Variants in PSME3 observed in about 807,000 individuals in gnomAD.
PSME3 encodes proteasome activator subunit 3.
A neutral mutation model predicts 38.3 loss-of-function variants in PSME3; 7 were observed. The observed-to-expected ratio is 0.18, with a 90% confidence interval of 0.10 to 0.34. PSME3 has a LOEUF of 0.34. PSME3 is among the 10% of genes least tolerant of loss of function. PSME3 has a pLI of 1.00. For missense variants in PSME3, 192 were observed against 307.6 expected (o/e 0.62, Z 2.81); for synonymous variants, 108 against 105.7 (o/e 1.02, Z -0.13).
At position 42,837,705 on chromosome 17, in the gene PSME3, G is replaced by T; in HGVS notation, c.292+8G>T. 1 of 1,612,510 alleles carries T rather than the reference G, an allele frequency of 6.2e-7. No individual in the cohort carries two copies. The highest frequency in any genetic ancestry group is 8.5e-7 in the Non-Finnish European group (1 of 1,179,250). On this transcript the variant is annotated splice_region_variant and intron_variant, in intron 5 of 10. Transcript: ENST00000590720. ...GTGAAGAAGCCTTCCAAGGTAAGAG[G>T]CACCCTTACCTCACCTCCCCTCACC... is the stretch of plus-strand genomic sequence containing the variant.
At chr17:42,837,383 C>G (rs2055475701) in intron 4 of PSME3, among the ~76,000 whole-genome samples, 1 of 151,828 alleles carries the variant, frequency 6.6e-6, no homozygotes. Flanking sequence ...TGGGGTTTCA[C>G]TATGTTGGCT....
chr17:42,834,040 T>C, intron 1 of PSME3: 2 of 1,441,004 alleles, frequency 1.4e-6, no homozygotes, highest in Non-Finnish European at 1.8e-6. Flanking sequence ...TTGGCACGTT[T>C]GTGAGCTCAC....
In PSME3 at chr17:42,834,889, T is replaced by C; in HGVS notation, c.243+13T>C. Reference sequence around the variant, plus strand: ...TGGACTGGATGGTGTAAGTGTCCTATATTTATCTTTGTGTTCTTGAGCAGT... The same window carrying C: ...TGGACTGGATGGTGTAAGTGTCCTACATTTATCTTTGTGTTCTTGAGCAGT... On this transcript the variant is annotated intron_variant, in intron 4 of 10. Transcript: ENST00000590720. The C allele has an allele frequency of 1.2e-6, 2 of 1,613,162 alleles. No homozygotes were observed. The highest frequency in any genetic ancestry group is 2.2e-5 in the South Asian group (2 of 90,872).
intron 4 of PSME3, among the ~76,000 whole-genome samples, chr17:42,836,059 C>T (rs539509646): frequency 1.4e-5 from 2 of 146,998 alleles, no homozygotes. Context: ...AGGCTGGGTG[C>T]AGTGGCGCGA....
chr17:42,839,459 G>A, intron 10 of PSME3, 79 bp downstream of exon 10: 1 of 1,209,098 alleles, frequency 8.3e-7, no homozygotes. Context: ...ATTCTCTGAA[G>A]GGCTGAGATG....
chr17:42,838,931 T>C lies in PSME3; in HGVS notation c.475-14T>C, dbSNP rs776539482. 1.2e-6 allele frequency: 2 copies of C among 1,613,562 alleles called. No homozygotes were observed. The highest frequency in any genetic ancestry group is 2.2e-5 in the South Asian group (2 of 91,060). On this transcript the variant is annotated splice_polypyrimidine_tract_variant and intron_variant, in intron 7 of 10. Transcript: ENST00000590720. Reference sequence around the variant, plus strand: ...GAAGTGGCTTTTGATGCACCTGTTGTTTGTTTGTTTTAGGAGGAAACAGTT... The same window carrying C: ...GAAGTGGCTTTTGATGCACCTGTTGCTTGTTTGTTTTAGGAGGAAACAGTT...
At chr17:42,839,970 TGGGCAACAA>T (rs1459330316) in intron 10 of PSME3, among the ~76,000 whole-genome samples, 2 of 149,436 alleles carry the variant, frequency 1.3e-5, no homozygotes, top group African/African-American at 5.0e-5. Context: ...CACTCCAGCC[TGGGCAACAA>T]GAGCGAAACT....
intron 1 of PSME3, 89 bp downstream of exon 1, chr17:42,833,762 C>T (rs775790757): frequency 6.2e-7 from 1 of 1,611,508 alleles, no homozygotes; most frequent in South Asian, 1.1e-5. Flanking sequence ...TCTTTGTCTC[C>T]CTGGGGATAC....
Position 42,838,724 on chromosome 17 carries a change from C to T in PSME3, c.406-7C>T, listed in dbSNP as rs771880839. On this transcript the variant is annotated splice_region_variant and splice_polypyrimidine_tract_variant and intron_variant, in intron 6 of 10. Coordinates refer to ENST00000590720, the MANE Select transcript of PSME3 (RefSeq NM_005789.4). ...GCAAAGGTCCTCATATATGTTTTGA[C>T]CTCCAGGTCAAAATGTGGGTACAGC... 11 of 1,612,548 alleles carry T rather than the reference C, an allele frequency of 6.8e-6. No individual in the cohort carries two copies. The Admixed American group carries it at 1.2e-4, about 17-fold the overall frequency.
intron 4 of PSME3, among the ~76,000 whole-genome samples, chr17:42,835,517 A>C (rs1302928671): frequency 1.3e-5 from 2 of 152,126 alleles, no homozygotes; most frequent in African/African-American, 4.8e-5. Context: ...TGAGGTCAGG[A>C]GATCAAGACC....
chr17:42,833,602 C>G lies in PSME3; in HGVS notation c.-30C>G. On this transcript the variant is annotated 5_prime_UTR_variant, in exon 1 of 11. Transcript: ENST00000590720. Reference sequence around the variant, plus strand: ...CTGGAGTCCACAGCGCCTCCGGTGTCCAGAGGATCGGACACGGCCCGGCCC... The same window carrying G: ...CTGGAGTCCACAGCGCCTCCGGTGTGCAGAGGATCGGACACGGCCCGGCCC... The G allele has an allele frequency of 6.2e-7, 1 of 1,614,134 alleles. No homozygotes were observed. The highest frequency in any genetic ancestry group is 8.5e-7 in the Non-Finnish European group (1 of 1,180,018).
Position 42,842,135 on chromosome 17 carries a change from A to G in PSME3, c.*557A>G, listed in dbSNP as rs2055542034. On this transcript the variant is annotated 3_prime_UTR_variant, in exon 11 of 11. Transcript: ENST00000590720. ...CCCACTTTGAATCTTGATCGTGACAAGAAATACCTTAGGCCTTCAGTCAAT... is the reference window on the plus strand; with the variant it reads ...CCCACTTTGAATCTTGATCGTGACAGGAAATACCTTAGGCCTTCAGTCAAT... The G allele has an allele frequency of 6.6e-6, 1 of 152,514 alleles. No homozygotes were observed. Among genetic ancestry groups the G allele is most frequent in the South Asian group, 2.1e-4 (1 of 4,846 alleles). 9.4% of individuals were successfully genotyped at this position (152,514 alleles called of 1,614,324 possible).
At chr17:42,838,233 C>T (rs1265752921) in intron 6 of PSME3, 28 bp downstream of exon 6, 3 of 1,612,636 alleles carry the variant, frequency 1.9e-6, no homozygotes, top group East Asian at 2.2e-5. Flanking sequence ...GACCTATGGG[C>T]CGGCCCCAAG....
At chr17:42,840,498 A>T (rs1384124394) in intron 10 of PSME3, among the ~76,000 whole-genome samples, 1 of 138,496 alleles carries the variant, frequency 7.2e-6, no homozygotes, top group Admixed American at 7.2e-5. Context: ...ATCCCACCTA[A>T]TCGGGAGGCT....
chr17:42,835,492 G>A (rs1287318390), intron 4 of PSME3, among the ~76,000 whole-genome samples: 2 of 152,106 alleles, frequency 1.3e-5, no homozygotes, highest in South Asian at 2.1e-4. Context: ...TTGGGAGGCC[G>A]ACGTGGACGG....
intron 5 of PSME3, 67 bp from the exon 6 acceptor site, chr17:42,838,024 TGA>T: frequency 1.3e-6 from 2 of 1,536,652 alleles, no homozygotes; most frequent in African/African-American, 1.4e-5. Context: ...ATAGGGAAAA[TGA>T]GAGAGAGGCA....
In PSME3 at chr17:42,841,828, C is replaced by T. The variant is rs1244914613; in HGVS notation, c.*250C>T. On this transcript the variant is annotated 3_prime_UTR_variant, in exon 11 of 11. Coordinates refer to ENST00000590720, the MANE Select transcript of PSME3 (RefSeq NM_005789.4). The stretch of plus-strand genomic sequence containing the variant: ...ACCTGTCGTAATTTCTGGAGAACTC[C>T]AGGTTTGTGTGTGCAGGATGTTGGC... The T allele has an allele frequency of 1.1e-5, 4 of 355,972 alleles. No homozygotes were observed. Among genetic ancestry groups the T allele is most frequent in the African/African-American group, 8.4e-5 (4 of 47,362 alleles). The allele number at this position is 355,972 out of a possible 1,614,324, so 22.1% of individuals were successfully genotyped here.
Position 42,837,698 on chromosome 17 carries a change from G to C in PSME3, c.292+1G>C. On this transcript the variant is annotated splice_donor_variant, in intron 5 of 10. Coordinates refer to ENST00000590720, the MANE Select transcript of PSME3 (RefSeq NM_005789.4). LOFTEE classifies it high-confidence loss of function. The stretch of plus-strand genomic sequence containing the variant: ...GATGAGTGTGAAGAAGCCTTCCAAG[G>C]TAAGAGGCACCCTTACCTCACCTCC... The C allele has an allele frequency of 6.2e-7, 1 of 1,613,512 alleles. No individual in the cohort carries two copies. Among genetic ancestry groups the C allele is most frequent in the Non-Finnish European group, 8.5e-7 (1 of 1,179,936 alleles).
intron 10 of PSME3, among the ~76,000 whole-genome samples, chr17:42,840,967 A>G (rs2055524650): frequency 6.6e-6 from 1 of 152,006 alleles, no homozygotes; most frequent in Non-Finnish European, 1.5e-5. Context: ...CCCCATCTGT[A>G]CTAAAAATAA....
Sources: allele counts gnomAD v4.1 joint callset (sites outside exome capture counted in the v4.1 genomes callset), GRCh38; gene constraint gnomAD v4.1.1; transcripts MANE v1.5; gene names NCBI Gene and HGNC (gene_info 2026-07-23, HGNC 2026-07-21).